The following IFT80 variants were observed in gnomAD, a reference collection of about 807,000 sequenced individuals.
IFT80 encodes the protein intraflagellar transport protein 80 homolog.
In IFT80, 79 loss-of-function variants were observed where a neutral mutation model predicts 107.9. The observed-to-expected ratio is 0.73, with a 90% CI of 0.61 to 0.88. The LOEUF is 0.88. IFT80 is among the 40% of genes least tolerant of loss of function. The pLI is 0.00. For missense variants in IFT80, 797 were observed against 914.2 expected (o/e 0.87, Z 1.65); for synonymous variants, 299 against 300.9 (o/e 0.99, Z 0.07).
At chr3:160,268,989 G>A (rs1461248137) in intron 18 of IFT80, among the ~76,000 whole-genome samples, 1 of 152,098 alleles carries the variant, frequency 6.6e-6, no homozygotes, top group African/African-American at 2.4e-5. Flanking sequence ...AGCACTTTGG[G>A]AGGCCAAGGT....
At chr3:160,312,047 C>T (rs1247504366) in intron 9 of IFT80, among the ~76,000 whole-genome samples, 1 of 152,170 alleles carries the variant, frequency 6.6e-6, no homozygotes, top group Non-Finnish European at 1.5e-5. Context: ...TCCCAAAGTG[C>T]TGGGATTACA....
At chr3:160,264,205 G>A (rs1272826352) in intron 19 of IFT80, among the ~76,000 whole-genome samples, 1 of 151,814 alleles carries the variant, frequency 6.6e-6, no homozygotes, top group African/African-American at 2.4e-5. Context: ...TGTCTCCTAG[G>A]CTCAAGTGAT....
intron 8 of IFT80, among the ~76,000 whole-genome samples, chr3:160,327,508 C>T (rs912570197): frequency 1.3e-5 from 2 of 152,124 alleles, no homozygotes; most frequent in Admixed American, 6.6e-5. Context: ...GAATAGAGAA[C>T]CTAGAAATAA....
intron 12 of IFT80, among the ~76,000 whole-genome samples, chr3:160,286,111 C>T (rs568772276): frequency 6.6e-6 from 1 of 152,240 alleles, no homozygotes; most frequent in South Asian, 2.1e-4. Context: ...CATTAATGCT[C>T]CACAGGCTCA....
At chr3:160,332,231 G>C (rs981224546) in intron 8 of IFT80, among the ~76,000 whole-genome samples, 13 of 152,192 alleles carry the variant, frequency 8.5e-5, no homozygotes, top group African/African-American at 3.1e-4. Flanking sequence ...GGAACATTCA[G>C]ACTGGAATGG....
intron 8 of IFT80, among the ~76,000 whole-genome samples, chr3:160,337,074 T>C (rs1429999952): frequency 2.0e-5 from 3 of 152,174 alleles, no homozygotes; most frequent in Non-Finnish European, 4.4e-5. Context: ...TCATATACTC[T>C]TTTTCATCCT....
chr3:160,315,023 A>T (rs1306057655), intron 9 of IFT80, among the ~76,000 whole-genome samples: 1 of 135,878 alleles, frequency 7.4e-6, no homozygotes, highest in East Asian at 2.6e-4. Flanking sequence ...TTAAAGGGAA[A>T]AAAAGTGGGC....
At chr3:160,335,756 C>G (rs1719424096) in intron 8 of IFT80, among the ~76,000 whole-genome samples, 2 of 151,976 alleles carry the variant, frequency 1.3e-5, no homozygotes, top group South Asian at 4.3e-4. Context: ...ACAATCACCA[C>G]TATCTAATTT....
intron 12 of IFT80, among the ~76,000 whole-genome samples, chr3:160,290,042 G>C (rs1715421259): frequency 6.6e-6 from 1 of 152,120 alleles, no homozygotes; most frequent in African/African-American, 2.4e-5. Context: ...TATGTGAACA[G>C]GCTGTGTCTC....
At chr3:160,379,145 G>A (rs961450387) in intron 3 of IFT80, among the ~76,000 whole-genome samples, 7 of 152,192 alleles carry the variant, frequency 4.6e-5, no homozygotes, top group South Asian at 4.1e-4. Context: ...CTGATGCCCC[G>A]AGTATTCCTG....
intron 8 of IFT80, among the ~76,000 whole-genome samples, chr3:160,345,693 CAA>C (rs75389794): frequency 1.3e-5 from 1 of 74,882 alleles, no homozygotes; most frequent in Non-Finnish European, 2.4e-5. Flanking sequence ...GACTCTGTCT[CAA>C]AAAAAAAAAA....
chr3:160,287,555 T>C (rs1715188547), intron 12 of IFT80, among the ~76,000 whole-genome samples: 1 of 152,224 alleles, frequency 6.6e-6, no homozygotes, highest in Non-Finnish European at 1.5e-5. Context: ...GAAGAACTTC[T>C]GATTCCTCCA....
At position 160,279,311 on chromosome 3, in the gene IFT80, ATAGT is replaced by A; in HGVS notation, c.1714_1717del (p.Thr572LeufsTer13). The A allele has an allele frequency of 6.2e-7, 1 of 1,613,416 alleles. No homozygotes were observed. The highest frequency in any genetic ancestry group is 8.5e-7 in the Non-Finnish European group (1 of 1,179,428). On this transcript the variant is annotated frameshift_variant, in exon 16 of 20. Coordinates refer to ENST00000326448, the MANE Select transcript of IFT80 (RefSeq NM_020800.3). LOFTEE classifies it high-confidence loss of function. ...AACCAGGGAGCCATCAGCTCTTCTAATAGTTACTTGATTTCCAACAAAACTCACA... is the reference window on the plus strand; with the variant it reads ...AACCAGGGAGCCATCAGCTCTTCTAATACTTGATTTCCAACAAAACTCACA...
chr3:160,380,549 G>A (rs114069208), intron 3 of IFT80, among the ~76,000 whole-genome samples: 441 of 152,208 alleles, frequency 2.9e-3, no homozygotes, highest in African/African-American at 1.0e-2. Context: ...ACAGCTAGGT[G>A]AACCAAAAAA....
chr3:160,383,580 A>G, intron 2 of IFT80: 1 of 822,276 alleles, frequency 1.2e-6, no homozygotes, highest in Non-Finnish European at 1.5e-6. Flanking sequence ...ATTGGACATT[A>G]TAACAATGTC....
chr3:160,366,124 G>A lies in IFT80; in HGVS notation c.468C>T (p.Gly156=), dbSNP rs145679417. ...QGTPVYSVAW[G]PDSEKVLYTA... ...TATAAAGAACCTTTTCTGAATCAGGGCCCCACGCTACTGAATACACTGGTG... is the reference window on the plus strand; with the variant it reads ...TATAAAGAACCTTTTCTGAATCAGGACCCCACGCTACTGAATACACTGGTG... Residue 156 remains glycine, a synonymous_variant, in exon 6 of 20, where the codon GGC becomes GGT. Coordinates refer to ENST00000326448, the MANE Select transcript of IFT80 (RefSeq NM_020800.3). The A allele has an allele frequency of 5.0e-5, 80 of 1,611,608 alleles. No individual in the cohort carries two copies. Among genetic ancestry groups the A allele is most frequent in the Admixed American group, 5.0e-5 (3 of 59,820 alleles).
At position 160,366,101 on chromosome 3, in the gene IFT80, T is replaced by A. The variant is rs765333261; in HGVS notation, c.491A>T (p.Tyr164Phe). The change falls in exon 6 of 20, where the codon TAT becomes TTT. Residue 164 changes from tyrosine (Y) to phenylalanine (F), a missense_variant. Physicochemically the swap from Tyr to Phe is conservative, Grantham distance 22. Transcript: ENST00000326448. ...AWGPDSEKVL[Y>F]TAGKQLIIKP... ...AATGATTAGCTGCTTGCCTGCTGTATAAAGAACCTTTTCTGAATCAGGGCC... is the reference window on the plus strand; with the variant it reads ...AATGATTAGCTGCTTGCCTGCTGTAAAAAGAACCTTTTCTGAATCAGGGCC... The A allele has an allele frequency of 7.4e-6, 12 of 1,612,732 alleles. No individual in the cohort carries two copies. The highest frequency in any genetic ancestry group is 1.0e-5 in the Non-Finnish European group (12 of 1,179,166).
chr3:160,282,131 T>C (rs973842303), intron 14 of IFT80, among the ~76,000 whole-genome samples: 1 of 151,918 alleles, frequency 6.6e-6, no homozygotes, highest in African/African-American at 2.4e-5. Flanking sequence ...TACAAAAAAA[T>C]TTAGCTGGAT....
chr3:160,359,550 C>T lies in IFT80; in HGVS notation c.550-1972G>A, dbSNP rs559542280. 2.4e-4 allele frequency among the ~76,000 whole-genome samples: 37 copies of T among 152,216 alleles called. 1 individual carries two copies. In the South Asian group the frequency reaches 7.7e-3, roughly 32 times the overall value. ...GCCTCCTCAAGTGGGTCCTTGACCC[C>T]CGTGTAGCCTAACTGGGAGACAGTT... is the stretch of plus-strand genomic sequence containing the variant. On this transcript the variant is annotated intron_variant, in intron 6 of 19. Coordinates refer to ENST00000326448, the MANE Select transcript of IFT80 (RefSeq NM_020800.3).
Sources: allele counts gnomAD v4.1 joint callset (sites outside exome capture counted in the v4.1 genomes callset), GRCh38; gene constraint gnomAD v4.1.1; transcripts MANE v1.5; gene names NCBI Gene and HGNC (gene_info 2026-07-23, HGNC 2026-07-21).